The following PHACTR3 variants were observed in gnomAD, a reference collection of about 807,000 sequenced individuals.
PHACTR3 encodes the protein protein phosphatase 1, regulatory subunit 123.
Under a neutral mutation model 66.8 loss-of-function variants are expected in PHACTR3, and 16 were observed. The ratio of observed to expected loss-of-function variants is 0.24; its 90% CI spans 0.16 to 0.36. The LOEUF (loss-of-function observed/expected upper bound fraction) is 0.36, where lower values mean the gene tolerates loss of function less well. Ranked by LOEUF, PHACTR3 falls within the 10% of genes least tolerant of loss-of-function variation. PHACTR3 has a pLI of 1.00. For missense variants in PHACTR3, 647 were observed against 719.9 expected, an observed-to-expected ratio of 0.90 and a Z score of 1.16; for synonymous variants, 323 against 292.1, an observed-to-expected ratio of 1.11 and a Z score of -1.08.
chr20:59,776,065 G>C (rs2040526468), intron 7 of PHACTR3, among the ~76,000 whole-genome samples: 1 of 152,208 alleles, frequency 6.6e-6, no homozygotes. Context: ...CCCTTGGTTT[G>C]GGGGTGCCCT....
chr20:59,655,334 TTTAA>T (rs1261468679), intron 1 of PHACTR3, among the ~76,000 whole-genome samples: 1 of 152,098 alleles, frequency 6.6e-6, no homozygotes, highest in African/African-American at 2.4e-5. Context: ...AAATGTAAAC[TTTAA>T]TTGTTTTAAA....
At chr20:59,717,552 C>T (rs191587676) in intron 1 of PHACTR3, among the ~76,000 whole-genome samples, 5 of 152,312 alleles carry the variant, frequency 3.3e-5, no homozygotes, top group East Asian at 3.9e-4. Context: ...CTGGGACACC[C>T]GTGCTCAGAG....
At chr20:59,804,896 T>C (rs2041517209) in intron 7 of PHACTR3, among the ~76,000 whole-genome samples, 1 of 152,210 alleles carries the variant, frequency 6.6e-6, no homozygotes, top group Non-Finnish European at 1.5e-5. Context: ...GTACCATGTT[T>C]CTTAAGAAAT....
intron 1 of PHACTR3, among the ~76,000 whole-genome samples, chr20:59,585,960 TGTC>T (rs1292683320): frequency 6.6e-6 from 1 of 152,194 alleles, no homozygotes; most frequent in African/African-American, 2.4e-5. Context: ...CCTGAAAACA[TGTC>T]GTATTTTTAG....
chr20:59,785,669 A>C (rs1268180202), intron 7 of PHACTR3, among the ~76,000 whole-genome samples: 1 of 152,196 alleles, frequency 6.6e-6, no homozygotes, highest in East Asian at 1.9e-4. Context: ...ATAGTCAGTC[A>C]AGAGCGTTTA....
At chr20:59,673,432 G>C (rs1484714662) in intron 1 of PHACTR3, among the ~76,000 whole-genome samples, 1 of 152,228 alleles carries the variant, frequency 6.6e-6, no homozygotes, top group Non-Finnish European at 1.5e-5. Flanking sequence ...GGCGCTAAGC[G>C]GGGTGTCTGC....
chr20:59,675,335 G>A (rs1227898712), intron 1 of PHACTR3, among the ~76,000 whole-genome samples: 1 of 152,070 alleles, frequency 6.6e-6, no homozygotes, highest in Non-Finnish European at 1.5e-5. Context: ...ACAGAAGAGG[G>A]GAGAGATGCC....
intron 8 of PHACTR3, among the ~76,000 whole-genome samples, chr20:59,827,139 G>A (rs1207561258): frequency 6.6e-6 from 1 of 152,156 alleles, no homozygotes; most frequent in Admixed American, 6.5e-5. Context: ...GAGGTAGAAG[G>A]GGCATGTTCA....
chr20:59,819,586 C>T (rs1004125930), intron 8 of PHACTR3, among the ~76,000 whole-genome samples: 9 of 151,996 alleles, frequency 5.9e-5, no homozygotes, highest in Admixed American at 1.3e-4. Context: ...GAGTCTGAGC[C>T]GGGACCCTGC....
chr20:59,781,283 G>T (rs1461365961), intron 7 of PHACTR3, among the ~76,000 whole-genome samples: 6 of 152,212 alleles, frequency 3.9e-5, no homozygotes, highest in Non-Finnish European at 8.8e-5. Flanking sequence ...GGACAGGCTG[G>T]CGGGGACCTT....
At chr20:59,821,328 G>A (rs940569810) in intron 8 of PHACTR3, among the ~76,000 whole-genome samples, 2 of 152,158 alleles carry the variant, frequency 1.3e-5, no homozygotes, top group African/African-American at 4.8e-5. Flanking sequence ...CAACAAGGAC[G>A]CAGACTCCTC....
At chr20:59,706,338 G>A (rs984450844) in intron 1 of PHACTR3, among the ~76,000 whole-genome samples, 2 of 152,224 alleles carry the variant, frequency 1.3e-5, no homozygotes, top group African/African-American at 4.8e-5. Flanking sequence ...AAACAAATTA[G>A]GAAATGACAG....
intron 1 of PHACTR3, among the ~76,000 whole-genome samples, chr20:59,666,790 C>A (rs577401642): frequency 1.6e-4 from 25 of 152,328 alleles, no homozygotes; most frequent in African/African-American, 5.8e-4. Flanking sequence ...AGGAAGGGGA[C>A]ATGCAGGGCA....
At chr20:59,667,437 C>T (rs1369112735) in intron 1 of PHACTR3, among the ~76,000 whole-genome samples, 3 of 152,214 alleles carry the variant, frequency 2.0e-5, no homozygotes, top group Non-Finnish European at 4.4e-5. Context: ...CTCCCACTTG[C>T]CTTTTCATGC....
At chr20:59,789,327 C>T (rs993642843) in intron 7 of PHACTR3, among the ~76,000 whole-genome samples, 1 of 152,132 alleles carries the variant, frequency 6.6e-6, no homozygotes, top group African/African-American at 2.4e-5. Flanking sequence ...CTGTGCAGAT[C>T]CAGTTGGCCA....
At chr20:59,770,393 T>C (rs1177110685) in intron 5 of PHACTR3, among the ~76,000 whole-genome samples, 2 of 152,210 alleles carry the variant, frequency 1.3e-5, no homozygotes, top group Non-Finnish European at 2.9e-5. Context: ...TGCTTCAGCA[T>C]GTGAACACTA....
chr20:59,688,645 CT>C (rs1336196731), intron 1 of PHACTR3, among the ~76,000 whole-genome samples: 1 of 152,140 alleles, frequency 6.6e-6, no homozygotes, highest in Non-Finnish European at 1.5e-5. Context: ...ATTTTTCCTC[CT>C]CATTCTCTCC....
intron 1 of PHACTR3, among the ~76,000 whole-genome samples, chr20:59,611,554 T>G (rs996817952): frequency 4.6e-5 from 7 of 152,186 alleles, no homozygotes; most frequent in African/African-American, 9.7e-5. Flanking sequence ...ACCAGGGCCA[T>G]TCTCAGCAAA....
intron 9 of PHACTR3, among the ~76,000 whole-genome samples, chr20:59,838,023 A>G (rs148342857): frequency 3.3e-5 from 5 of 152,350 alleles, no homozygotes; most frequent in African/African-American, 1.2e-4. Flanking sequence ...TAGCAAATGC[A>G]TAACTGAAAC....
Sources: allele counts gnomAD v4.1 joint callset (sites outside exome capture counted in the v4.1 genomes callset), GRCh38; gene constraint gnomAD v4.1.1; transcripts MANE v1.5; gene names NCBI Gene and HGNC (gene_info 2026-07-23, HGNC 2026-07-21).